Variants in ATG9A observed in about 807,000 individuals in gnomAD.
ATG9A encodes the protein autophagy-related protein 9A.
In ATG9A, 21 loss-of-function variants were observed where a neutral mutation model predicts 87.1. That is an observed-to-expected ratio of 0.24 (90% CI 0.17 to 0.35). The LOEUF is 0.35. ATG9A is among the 10% of genes least tolerant of loss of function. ATG9A has a pLI of 1.00. For synonymous variants in ATG9A, 422 were observed against 441.3 expected (o/e 0.96, Z 0.55); for missense variants, 836 against 1,107.3 (o/e 0.76, Z 3.48).
Position 219,227,773 on chromosome 2 carries a change from A to C in ATG9A, c.144T>G (p.Ser48=). The change falls in exon 4 of 16, where the codon TCT becomes TCG. Residue 48 remains serine, a synonymous_variant. Coordinates refer to ENST00000361242, the MANE Select transcript of ATG9A (RefSeq NM_001077198.3). ...HHIENLDLFF[S]RVYNLHQKNG... ...AACTCAGAAACACAAAGGATATTCGAGAGAAGAAGAGGTCAAGGTTTTCAA... is the reference window on the plus strand; with the variant it reads ...AACTCAGAAACACAAAGGATATTCGCGAGAAGAAGAGGTCAAGGTTTTCAA... 6.2e-7 allele frequency: 1 copy of C among 1,614,042 alleles called. No individual in the cohort carries two copies. The highest frequency in any genetic ancestry group is 8.5e-7 in the Non-Finnish European group (1 of 1,179,928).
At position 219,223,790 on chromosome 2, in the gene ATG9A, A is replaced by G. The variant is rs1950810706; in HGVS notation, c.1420-26T>C. On this transcript the variant is annotated intron_variant, in intron 9 of 15. Coordinates refer to ENST00000361242, the MANE Select transcript of ATG9A (RefSeq NM_001077198.3). The surrounding 1 kb of genome is among the most constrained non-coding windows in gnomAD (Gnocchi z 4.7). Reference sequence around the variant, plus strand: ...CTAAAAGGGCGGGACCAAGGTCACAAGCGAGCAGGAGGGAGCCCAGCCCTC... The same window carrying G: ...CTAAAAGGGCGGGACCAAGGTCACAGGCGAGCAGGAGGGAGCCCAGCCCTC... 1 of 1,613,642 alleles carries G rather than the reference A, an allele frequency of 6.2e-7. No homozygotes were observed.
intron 15 of ATG9A, 26 bp downstream of exon 15, chr2:219,220,720 GT>G: frequency 6.2e-7 from 1 of 1,604,452 alleles, no homozygotes; most frequent in Non-Finnish European, 8.5e-7. Context: ...ATTTCTGGCA[GT>G]TTTTCCTAGG....
At chr2:219,228,517 G>A (rs927032755) in intron 1 of ATG9A, 32 bp from the exon 2 acceptor site, 3 of 153,912 alleles carry the variant, frequency 1.9e-5, no homozygotes, top group Non-Finnish European at 2.9e-5. Flanking sequence ...CCCAGAGAGT[G>A]GGCAGTGGGG....
In ATG9A at chr2:219,224,070, C is replaced by T; in HGVS notation, c.1265+36G>A. On this transcript the variant is annotated intron_variant, in intron 8 of 15. Transcript: ENST00000361242. This position sits in a 1 kb window ranked among gnomAD's most constrained non-coding sequence, Gnocchi z 7.7. ...GAGATGTATGCCTTTCCCAGGAATG[C>T]TAGCCGGCTTGCTCCCGCCTGTGGC... is the stretch of plus-strand genomic sequence containing the variant. The T allele has an allele frequency of 1.2e-6, 2 of 1,606,528 alleles. No homozygotes were observed. The highest frequency in any genetic ancestry group is 1.7e-6 in the Non-Finnish European group (2 of 1,175,128).
At chr2:219,225,354 T>C in intron 6 of ATG9A, 57 bp downstream of exon 6, 2 of 1,601,668 alleles carry the variant, frequency 1.2e-6, no homozygotes, top group South Asian at 1.1e-5. Flanking sequence ...TCCACTCTAT[T>C]ACCCACCTGC....
At chr2:219,226,559 A>G (rs1175438451) in intron 5 of ATG9A, among the ~76,000 whole-genome samples, 2 of 152,018 alleles carry the variant, frequency 1.3e-5, no homozygotes, top group African/African-American at 4.8e-5. Context: ...ATGGTGGCAC[A>G]TGCCTGTAGT....
In ATG9A at chr2:219,225,745, C is replaced by T. The variant is rs138875236; in HGVS notation, c.213-173G>A. Among the ~76,000 whole-genome samples the T allele has an allele frequency of 3.9e-3, 596 of 152,350 alleles. 4 individuals are homozygous for T. Among genetic ancestry groups the T allele is most frequent in the Non-Finnish European group, 5.2e-3 (353 of 68,038 alleles). On this transcript the variant is annotated intron_variant, in intron 5 of 15. Transcript: ENST00000361242. ...GCCCCACAGGACTGTCTCAGGCCCA[C>T]TCTTTGCTCTTAGCCTCAGCTGCCA...
At position 219,227,987 on chromosome 2, in the gene ATG9A, G is replaced by A; in HGVS notation, c.38C>T (p.Ala13Val). The A allele has an allele frequency of 2.5e-6, 4 of 1,614,096 alleles. No homozygotes were observed. Among genetic ancestry groups the A allele is most frequent in the Non-Finnish European group, 3.4e-6 (4 of 1,179,982 alleles). The stretch of plus-strand genomic sequence containing the variant: ...CCCTGGGGGTGAATCACTATAGGAG[G>A]CCTCTAGGCGCTGGTATTCAGTGTC... ...QFDTEYQRLE[A>V]SYSDSPPGEE... The change falls in exon 3 of 16, where the codon GCC becomes GTC. Residue 13 changes from alanine to valine, a missense_variant. By Grantham distance (64) the Ala-to-Val change is moderately conservative. Around this residue, in one of 2 missense-constraint regions of ATG9A, gnomAD observed 512 missense variants for 759.6 expected, o/e 0.67. Coordinates refer to ENST00000361242, the MANE Select transcript of ATG9A (RefSeq NM_001077198.3).
In ATG9A at chr2:219,223,618, A is replaced by G; in HGVS notation, c.1566T>C (p.Ala522=). The G allele has an allele frequency of 6.2e-7, 1 of 1,612,670 alleles. No homozygotes were observed. The highest frequency in any genetic ancestry group is 8.5e-7 in the Non-Finnish European group (1 of 1,179,270). The part of the protein sequence containing the change: ...VVGVGDTCSF[A]QMDVRQHGHP... ...GACCATGCTGGCGAACATCCATCTG[A>G]GCAAAGGAGCAGGTATCTCCCACAC... is the stretch of plus-strand genomic sequence containing the variant. The change falls in exon 10 of 16, where the codon GCT becomes GCC. Residue 522 remains alanine, a synonymous_variant. Transcript: ENST00000361242. The surrounding 1 kb of genome is among the most constrained non-coding windows in gnomAD (Gnocchi z 4.7).
chr2:219,228,341 C>T (rs763756708), intron 2 of ATG9A, 93 bp downstream of exon 2: 1 of 328,528 alleles, frequency 3.0e-6, no homozygotes, highest in Non-Finnish European at 5.6e-6. Context: ...AAGAGTCCCT[C>T]CCCCGCCCAT....
In ATG9A at chr2:219,222,086, G is replaced by A; in HGVS notation, c.2109C>T (p.Ser703=). Residue 703 remains serine, a synonymous_variant, in exon 13 of 16, where the codon TCC becomes TCT. Coordinates refer to ENST00000361242, the MANE Select transcript of ATG9A (RefSeq NM_001077198.3). This position sits in a 1 kb window ranked among gnomAD's most constrained non-coding sequence, Gnocchi z 4.3. The stretch of plus-strand genomic sequence containing the variant: ...AGAGGGCATGCAGGCTCATCTCTGT[G>A]GATGCATATTCTGACAGCACCAGGC... The part of the protein sequence containing the change: ...LQSLVLSEYA[S]TEMSLHALYM... The A allele has an allele frequency of 1.2e-6, 2 of 1,614,052 alleles. No homozygotes were observed. Among genetic ancestry groups the A allele is most frequent in the Non-Finnish European group, 1.7e-6 (2 of 1,180,004 alleles).
chr2:219,225,611 G>C (rs1187886095), intron 5 of ATG9A, 39 bp from the exon 6 acceptor site: 4 of 1,602,534 alleles, frequency 2.5e-6, no homozygotes, highest in Non-Finnish European at 3.4e-6. Flanking sequence ...CTGAGAGCCA[G>C]AGAGGCTCCA....
chr2:219,224,259 G>A lies in ATG9A; in HGVS notation c.1112C>T (p.Pro371Leu). Residue 371 changes from proline (P) to leucine (L), a missense_variant, in exon 8 of 16, where the codon CCT (proline) becomes CTT (leucine). By Grantham distance (98) the Pro-to-Leu change is moderately conservative. Coordinates refer to ENST00000361242, the MANE Select transcript of ATG9A (RefSeq NM_001077198.3). The surrounding 1 kb of genome is among the most constrained non-coding windows in gnomAD (Gnocchi z 7.7). ...ASKYMNCFLS[P>L]LLTLLAKNGA... ...ATTCTTGGCCAGCAGTGTCAAAAGA[G>A]GTGACAAGAAGCAATTCATGTACTT... 6.2e-7 allele frequency: 1 copy of A among 1,614,004 alleles called. No homozygotes were observed. Among genetic ancestry groups the A allele is most frequent in the Non-Finnish European group, 8.5e-7 (1 of 1,180,046 alleles).
In ATG9A at chr2:219,220,181, C is replaced by A; in HGVS notation, c.*266G>T. The A allele has an allele frequency of 2.0e-6, 1 of 496,308 alleles. No individual in the cohort carries two copies. The highest frequency in any genetic ancestry group is 3.6e-6 in the Non-Finnish European group (1 of 275,680). The allele number at this position is 496,308 out of a possible 1,614,324, so 30.7% of individuals were successfully genotyped here. A position where few individuals can be genotyped will look rare whatever the true frequency, so the allele number is the denominator to read the frequency against. ...GGCAGTACTGGGGCTGGGCTGGGGGCCAGTTTCTAGCACCACACTCTGAGC... is the reference window on the plus strand; with the variant it reads ...GGCAGTACTGGGGCTGGGCTGGGGGACAGTTTCTAGCACCACACTCTGAGC... On this transcript the variant is annotated 3_prime_UTR_variant, in exon 16 of 16. Coordinates refer to ENST00000361242, the MANE Select transcript of ATG9A (RefSeq NM_001077198.3).
Position 219,225,131 on chromosome 2 carries a change from A to C in ATG9A, c.456T>G (p.Tyr152Ter). 6.2e-7 allele frequency: 1 copy of C among 1,614,206 alleles called. No individual in the cohort carries two copies. The highest frequency in any genetic ancestry group is 8.5e-7 in the Non-Finnish European group (1 of 1,180,028). The part of the protein sequence containing the change: ...FWIHRLIKFI[Y>*]NICCYWEIHS... ...GGATCTCCCAGTAGCAGCAAATGTT[A>C]TAGATGAACTTGATAAGCCGGTGGA... is the stretch of plus-strand genomic sequence containing the variant. Residue 152 changes from tyrosine (Y) to a stop codon, truncating the protein, a stop_gained, in exon 7 of 16, where the codon TAT becomes TAG. Transcript: ENST00000361242. LOFTEE classifies it high-confidence loss of function.
rs1238191169 is a variant in ATG9A, at chr2:219,223,681, A to C, written c.1503T>G (p.Ile501Met). The change falls in exon 10 of 16, where the codon ATT becomes ATG. Residue 501 changes from isoleucine to methionine, a missense_variant. Transcript: ENST00000361242. This position sits in a 1 kb window ranked among gnomAD's most constrained non-coding sequence, Gnocchi z 4.7. ...IFCLRPRALE[I>M]IDFFRNFTVE... is the part of the protein sequence containing the mutation. ...CGGTGAAGTTTCGGAAGAAGTCTATAATCTCCAGGGCCCGTGGGCGCAGGC... is the reference window on the plus strand; with the variant it reads ...CGGTGAAGTTTCGGAAGAAGTCTATCATCTCCAGGGCCCGTGGGCGCAGGC... 1.2e-6 allele frequency: 2 copies of C among 1,613,822 alleles called. No individual in the cohort carries two copies. The highest frequency in any genetic ancestry group is 8.5e-7 in the Non-Finnish European group (1 of 1,179,988).
In ATG9A at chr2:219,222,840, T is replaced by C; in HGVS notation, c.1653A>G (p.Gly551=). 6.2e-7 allele frequency: 1 copy of C among 1,614,166 alleles called. No homozygotes were observed. Residue 551 remains glycine, a synonymous_variant, in exon 11 of 16, where the codon GGA becomes GGG. Coordinates refer to ENST00000361242, the MANE Select transcript of ATG9A (RefSeq NM_001077198.3). The surrounding 1 kb of genome is among the most constrained non-coding windows in gnomAD (Gnocchi z 4.3). ...AGTGCATGAGTGACAACTCTGTCTTTCCATCCTCAGCTTGCTGGTACACTG... is the reference window on the plus strand; with the variant it reads ...AGTGCATGAGTGACAACTCTGTCTTCCCATCCTCAGCTTGCTGGTACACTG... The part of the protein sequence containing the change: ...EASVYQQAED[G]KTELSLMHFA...
Position 219,222,073 on chromosome 2 carries a change from G to A in ATG9A, c.2122C>T (p.Leu708=). 6.2e-7 allele frequency: 1 copy of A among 1,614,028 alleles called. No homozygotes were observed. The highest frequency in any genetic ancestry group is 8.5e-7 in the Non-Finnish European group (1 of 1,180,012). The change falls in exon 13 of 16, where the codon CTG becomes TTG. Residue 708 remains leucine (L), a synonymous_variant. Transcript: ENST00000361242. The surrounding 1 kb of genome is among the most constrained non-coding windows in gnomAD (Gnocchi z 4.3). ...LSEYASTEMS[L]HALYMHQLHK... ...ACCTGGTGCATATAGAGGGCATGCA[G>A]GCTCATCTCTGTGGATGCATATTCT...
chr2:219,225,918 A>C (rs1950851210), intron 5 of ATG9A, among the ~76,000 whole-genome samples: 1 of 152,138 alleles, frequency 6.6e-6, no homozygotes, highest in Non-Finnish European at 1.5e-5. Context: ...TTTCTGATTG[A>C]GGGAGGGCTT....
Sources: allele counts gnomAD v4.1 joint callset (sites outside exome capture counted in the v4.1 genomes callset), GRCh38; gene constraint gnomAD v4.1.1; regional missense constraint gnomAD v4.1.1; non-coding constraint Gnocchi (gnomAD v3.1); transcripts MANE v1.5; gene names NCBI Gene and HGNC (gene_info 2026-07-23, HGNC 2026-07-21).